The following MYG1 variants were observed in gnomAD, a reference collection of about 807,000 sequenced individuals.
MYG1 encodes UPF0160 protein MYG1, mitochondrial.
MYG1 carries 36 observed loss-of-function variants against 43.5 expected under a neutral mutation model. The ratio of observed to expected loss-of-function variants is 0.83; its 90% CI spans 0.63 to 1.09. The LOEUF is 1.09. Ranked by LOEUF, MYG1 falls within the 50% of genes least tolerant of loss-of-function variation. The pLI is 0.00. For missense variants in MYG1, 529 were observed against 495.1 expected, an observed-to-expected ratio of 1.07 and a Z score of -0.65; for synonymous variants, 220 against 202.8, an observed-to-expected ratio of 1.08 and a Z score of -0.72.
intron 2 of MYG1, among the ~76,000 whole-genome samples, chr12:53,300,826 T>C (rs1944223992): frequency 6.6e-6 from 1 of 152,154 alleles, no homozygotes; most frequent in Non-Finnish European, 1.5e-5. Flanking sequence ...AGCTCCCTCC[T>C]ACCAACTAAG....
intron 2 of MYG1, among the ~76,000 whole-genome samples, chr12:53,302,618 T>C (rs1262008326): frequency 6.6e-6 from 1 of 152,194 alleles, no homozygotes; most frequent in Admixed American, 6.5e-5. Context: ...TCTTTTGCCA[T>C]TCACTTCTCA....
chr12:53,305,810 C>A, intron 3 of MYG1, 98 bp from the exon 4 acceptor site: 1 of 1,439,310 alleles, frequency 6.9e-7, no homozygotes, highest in Non-Finnish European at 9.3e-7. Flanking sequence ...GAGATCCTCA[C>A]AGGGCTGAAA....
chr12:53,303,281 C>T, intron 3 of MYG1, 88 bp downstream of exon 3: 1 of 1,466,500 alleles, frequency 6.8e-7, no homozygotes, highest in Non-Finnish European at 9.2e-7. Context: ...AGCACTGGGC[C>T]TCGGGTCAGG....
At position 53,307,104 on chromosome 12, in the gene MYG1, C is replaced by T; in HGVS notation, c.1086C>T (p.Ala362=). 2 of 1,613,996 alleles carry T rather than the reference C, an allele frequency of 1.2e-6. No individual in the cohort carries two copies. The highest frequency in any genetic ancestry group is 1.7e-6 in the Non-Finnish European group (2 of 1,179,900). ...CCCGAGAGGGTGCCTTGAGCATGGC[C>T]CGTGCCACCTTGGCCCAGCGCTCAT... ...HHTREGALSM[A]RATLAQRSYL... The change falls in exon 7 of 7, where the codon GCC becomes GCT. Residue 362 remains alanine (A), a synonymous_variant. Coordinates refer to ENST00000267103, the MANE Select transcript of MYG1 (RefSeq NM_021640.4).
rs775086535 is a variant in MYG1, at chr12:53,306,711, C to A, written c.797C>A (p.Ala266Glu). 7.4e-6 allele frequency: 12 copies of A among 1,613,652 alleles called. No homozygotes were observed. Among genetic ancestry groups the A allele is most frequent in the Non-Finnish European group, 1.0e-5 (12 of 1,179,810 alleles). ...CCAAGTGGAGAGATTGTGGAACTGG[C>A]GAAAGGTGCATGTCCCTGGAAGGAG... ...VDPSGEIVEL[A>E]KGACPWKEHL... is the part of the protein sequence containing the mutation. Residue 266 changes from alanine to glutamate, a missense_variant, in exon 6 of 7, where the codon GCG becomes GAG. Transcript: ENST00000267103.
At chr12:53,306,619 C>A in intron 5 of MYG1, 61 bp from the exon 6 acceptor site, 1 of 1,540,604 alleles carries the variant, frequency 6.5e-7, no homozygotes, top group South Asian at 1.2e-5. Context: ...GTTGTGACTA[C>A]AAACATGATC....
At chr12:53,300,305 C>A in intron 2 of MYG1, 43 bp downstream of exon 2, 1 of 1,417,082 alleles carries the variant, frequency 7.1e-7, no homozygotes, top group Non-Finnish European at 9.5e-7. Flanking sequence ...TTGACCTCAG[C>A]TTTCCTCTGT....
intron 3 of MYG1, chr12:53,303,713 T>A (rs1944247420): frequency 6.5e-6 from 1 of 154,240 alleles, no homozygotes; most frequent in South Asian, 2.0e-4. Flanking sequence ...AGGGAAAGAA[T>A]ATGGCTAGTG....
At chr12:53,305,147 C>T (rs1006711117) in intron 3 of MYG1, among the ~76,000 whole-genome samples, 10 of 152,056 alleles carry the variant, frequency 6.6e-5, no homozygotes, top group African/African-American at 1.9e-4. Context: ...GGATTACAGG[C>T]GTGAGCCACC....
At chr12:53,306,113 G>A (rs760701836) in intron 4 of MYG1, 53 bp downstream of exon 4, 382 of 1,607,880 alleles carry the variant, frequency 2.4e-4, no homozygotes, top group Non-Finnish European at 2.9e-4. Flanking sequence ...TGGGTGGGGG[G>A]AAAATGGGAG....
chr12:53,300,923 T>C (rs1944225951), intron 2 of MYG1, among the ~76,000 whole-genome samples: 2 of 100,926 alleles, frequency 2.0e-5, no homozygotes, highest in South Asian at 5.4e-4. Context: ...TTTTCTTTTC[T>C]TTTTTTTTTT....
At chr12:53,302,725 C>T (rs1425787730) in intron 2 of MYG1, among the ~76,000 whole-genome samples, 4 of 152,136 alleles carry the variant, frequency 2.6e-5, no homozygotes, top group African/African-American at 9.6e-5. Flanking sequence ...TCTCTTTCAC[C>T]CCTTGTCTAT....
Position 53,299,871 on chromosome 12 carries a change from C to T in MYG1, c.134C>T (p.Pro45Leu). Residue 45 changes from proline (P) to leucine (L), a missense_variant, in exon 1 of 7, where the codon CCC becomes CTC. Pro to Leu is a moderately conservative substitution (Grantham distance 98). Coordinates refer to ENST00000267103, the MANE Select transcript of MYG1 (RefSeq NM_021640.4). ...KRSRSKLMAP[P>L]RIGTHNGTFH... ...TCCCGCAGCAAACTCATGGCACCGC[C>T]CCGAATCGGGACGCACAATGGCACC... 1 of 1,614,222 alleles carries T rather than the reference C, an allele frequency of 6.2e-7. No homozygotes were observed. Among genetic ancestry groups the T allele is most frequent in the Non-Finnish European group, 8.5e-7 (1 of 1,180,052 alleles).
chr12:53,302,979 A>G, intron 2 of MYG1, 55 bp from the exon 3 acceptor site: 7 of 1,502,720 alleles, frequency 4.7e-6, no homozygotes, highest in Non-Finnish European at 6.3e-6. Flanking sequence ...GAATGAATGC[A>G]TGGAGACTCT....
In MYG1 at chr12:53,306,264, C is replaced by T. The variant is rs755097029; in HGVS notation, c.709C>T (p.His237Tyr). Residue 237 changes from histidine to tyrosine, a missense_variant, in exon 5 of 7, where the codon CAC becomes TAC. By Grantham distance (83) the His-to-Tyr change is moderately conservative. Transcript: ENST00000267103. ...TCTGCAGAGATTAGATTTCTACCAACACAGCTGGCTGCCAGCCCGGGCCTT... is the reference window on the plus strand; with the variant it reads ...TCTGCAGAGATTAGATTTCTACCAATACAGCTGGCTGCCAGCCCGGGCCTT... ...EFLQRLDFYQ[H>Y]SWLPARALVE... 4 of 1,614,252 alleles carry T rather than the reference C, an allele frequency of 2.5e-6. No homozygotes were observed. The highest frequency in any genetic ancestry group is 2.2e-5 in the East Asian group (1 of 44,888).
rs749844045 is a variant in MYG1, at chr12:53,306,712, G to A, written c.798G>A (p.Ala266=). The change falls in exon 6 of 7, where the codon GCG becomes GCA. Residue 266 remains alanine (A), a synonymous_variant. Transcript: ENST00000267103. ...CAAGTGGAGAGATTGTGGAACTGGCGAAAGGTGCATGTCCCTGGAAGGAGC... is the reference window on the plus strand; with the variant it reads ...CAAGTGGAGAGATTGTGGAACTGGCAAAAGGTGCATGTCCCTGGAAGGAGC... ...VDPSGEIVEL[A]KGACPWKEHL... is the part of the protein sequence containing the mutation. 33 of 1,613,920 alleles carry A rather than the reference G, an allele frequency of 2.0e-5. No homozygotes were observed. The highest frequency in any genetic ancestry group is 8.0e-5 in the African/African-American group (6 of 74,928).
intron 5 of MYG1, 76 bp downstream of exon 5, chr12:53,306,396 C>G (rs1041199828): frequency 1.3e-6 from 2 of 1,584,346 alleles, no homozygotes; most frequent in Admixed American, 3.4e-5. Flanking sequence ...CTTCTTCTAC[C>G]CTAAACCCTG....
chr12:53,304,608 AT>A (rs1219317406), intron 3 of MYG1, among the ~76,000 whole-genome samples: 1 of 150,350 alleles, frequency 6.7e-6, no homozygotes, highest in Non-Finnish European at 1.5e-5. Context: ...TTTAACCCGT[AT>A]TTTTTTTTGA....
intron 4 of MYG1, 31 bp downstream of exon 4, chr12:53,306,091 CTG>C (rs1565774579): frequency 4.4e-6 from 7 of 1,609,154 alleles, no homozygotes; most frequent in African/African-American, 1.3e-5. Flanking sequence ...ACCCGGAGAC[CTG>C]TAAGAACCTT....
Sources: gnomAD v4.1 joint callset for allele counts (sites outside exome capture counted in the v4.1 genomes callset) on GRCh38, gnomAD v4.1.1 for gene constraint, MANE v1.5 for transcripts, NCBI Gene and HGNC (gene_info 2026-07-23, HGNC 2026-07-21) for gene names.